The following FILIP1 variants were observed in gnomAD, a reference collection of about 807,000 sequenced individuals.
FILIP1 encodes filamin-A-interacting protein 1.
In FILIP1, 61 loss-of-function variants were observed where a neutral mutation model predicts 102.1. The ratio of observed to expected loss-of-function variants is 0.60; its 90% CI spans 0.49 to 0.74. The LOEUF (loss-of-function observed/expected upper bound fraction) is 0.74. Ranked by LOEUF, FILIP1 falls within the 30% of genes least tolerant of loss-of-function variation. The pLI is 0.00. For synonymous variants in FILIP1, 491 were observed against 526.9 expected (o/e 0.93, Z 0.93); for missense variants, 1,314 against 1,441.2 (o/e 0.91, Z 1.43).
chr6:75,380,207 C>CAA (rs11447756), intron 2 of FILIP1, among the ~76,000 whole-genome samples: 1,621 of 149,334 alleles, frequency 0.011, 31 homozygotes, highest in African/African-American at 0.037. Flanking sequence ...AATTAAAAGG[C>CAA]AAAAAAAAAG....
chr6:75,402,843 T>C (rs1776703594), intron 2 of FILIP1, among the ~76,000 whole-genome samples: 1 of 152,208 alleles, frequency 6.6e-6, no homozygotes, highest in Non-Finnish European at 1.5e-5. Context: ...ATGATACTTA[T>C]ACTTTTCCTG....
At chr6:75,405,370 C>T (rs144517053) in intron 2 of FILIP1, among the ~76,000 whole-genome samples, 418 of 152,054 alleles carry the variant, frequency 2.7e-3, no homozygotes, top group African/African-American at 9.5e-3. Context: ...GGAAAATTAG[C>T]TTCTCTGGCT....
chr6:75,294,489 AT>A (rs1772617957), exon 7 of FILIP1: 1 of 152,124 alleles, frequency 6.6e-6, no homozygotes, highest in Admixed American at 6.6e-5. Context: ...TTAGATGCAC[AT>A]TTTCACATAA....
At chr6:75,403,649 T>C (rs1776738049) in intron 2 of FILIP1, among the ~76,000 whole-genome samples, 1 of 152,118 alleles carries the variant, frequency 6.6e-6, no homozygotes, top group African/African-American at 2.4e-5. Context: ...ATTTTAAGAT[T>C]GTATGTGAGT....
In FILIP1 at chr6:75,314,378, C is replaced by G. The variant is rs754365039; in HGVS notation, c.1454G>C (p.Ser485Thr). 1 of 1,525,486 alleles carries G rather than the reference C, an allele frequency of 6.6e-7. No individual in the cohort carries two copies. Among genetic ancestry groups the G allele is most frequent in the South Asian group, 1.4e-5 (1 of 73,694 alleles). The allele number at this position is 1,525,486 out of a possible 1,614,324, so 94.5% of individuals were successfully genotyped here. A position where few individuals can be genotyped will look rare whatever the true frequency, so the allele number is the denominator to read the frequency against. The change falls in exon 5 of 6, where the codon AGT becomes ACT. Residue 485 changes from serine (S) to threonine (T), a missense_variant. Ser to Thr is a moderately conservative substitution (Grantham distance 58). Coordinates refer to ENST00000237172, the MANE Select transcript of FILIP1 (RefSeq NM_015687.5). ...GCTTAATTCAGCCTTTTCCAATCTA[C>G]TTTCAGAACATTCCAATTCTTTAAC... is the stretch of plus-strand genomic sequence containing the variant. The part of the protein sequence containing the change: ...SRVKELECSE[S>T]RLEKAELSLK...
intron 4 of FILIP1, among the ~76,000 whole-genome samples, chr6:75,344,084 T>C (rs980318029): frequency 2.6e-5 from 4 of 152,226 alleles, no homozygotes; most frequent in Admixed American, 6.5e-5. Context: ...CCTTCAGAAG[T>C]AGGCATCCAT....
chr6:75,455,514 C>A (rs1778799898), intron 1 of FILIP1, among the ~76,000 whole-genome samples: 1 of 151,968 alleles, frequency 6.6e-6, no homozygotes, highest in Non-Finnish European at 1.5e-5. Flanking sequence ...TTGGGACAAC[C>A]AAATTAGAAA....
rs148638078 is a variant in FILIP1, at chr6:75,363,629, G to A, written c.277-712C>T. On this transcript the variant is annotated intron_variant, in intron 2 of 5. Transcript: ENST00000237172. The stretch of plus-strand genomic sequence containing the variant: ...TTGCTGAAGCTTTCAAGAAAACCAC[G>A]ATTGTAGGCTTTATATCATACTGTC... 3.7e-3 allele frequency among the ~76,000 whole-genome samples: 568 copies of A among 152,302 alleles called. 1 individual carries two copies. Among genetic ancestry groups the A allele is most frequent in the African/African-American group, 0.013 (536 of 41,550 alleles).
chr6:75,455,715 C>A (rs1326285299), intron 1 of FILIP1, among the ~76,000 whole-genome samples: 1 of 152,144 alleles, frequency 6.6e-6, no homozygotes, highest in Non-Finnish European at 1.5e-5. Context: ...CCACTGCCCA[C>A]CAGAAAAACT....
chr6:75,383,208 AG>A (rs1018543413), intron 2 of FILIP1, among the ~76,000 whole-genome samples: 2 of 152,180 alleles, frequency 1.3e-5, no homozygotes, highest in African/African-American at 4.8e-5. Flanking sequence ...GATCTTCACT[AG>A]GTGAGTAACA....
chr6:75,305,445 C>A (rs747396773), downstream of FILIP1, among the ~76,000 whole-genome samples: 4 of 152,182 alleles, frequency 2.6e-5, no homozygotes, highest in Non-Finnish European at 5.9e-5. Context: ...TGAAGACATT[C>A]GAGTAAGAGC....
intron 1 of FILIP1, among the ~76,000 whole-genome samples, chr6:75,469,701 G>T (rs988116638): frequency 1.3e-5 from 2 of 151,934 alleles, no homozygotes; most frequent in African/African-American, 4.8e-5. Flanking sequence ...TTAATTAAAA[G>T]AATAATGCAC....
rs766268193 is a variant in FILIP1 at position 75,414,743 on chromosome 6, T to C, written c.230A>G (p.Lys77Arg). 2 of 1,613,890 alleles carry C rather than the reference T, an allele frequency of 1.2e-6. No individual in the cohort carries two copies. Among genetic ancestry groups the C allele is most frequent in the South Asian group, 1.1e-5 (1 of 91,074 alleles). The part of the protein sequence containing the change: ...RKTKKSLELS[K>R]EDLIQLLSIM... ...ACTGAGTAGTTGGATGAGGTCTTCTTTGGATAACTCCAGGGATTTCTTAGT... is the reference window on the plus strand; with the variant it reads ...ACTGAGTAGTTGGATGAGGTCTTCTCTGGATAACTCCAGGGATTTCTTAGT... Residue 77 changes from lysine (K) to arginine (R), a missense_variant, in exon 2 of 6, where the codon AAA (lysine) becomes AGA (arginine). Transcript: ENST00000237172.
chr6:75,298,960 C>T lies in FILIP1; in HGVS notation c.3494-3010G>A, dbSNP rs146679417. Among the ~76,000 whole-genome samples the T allele has an allele frequency of 6.3e-3, 953 of 151,680 alleles. 9 individuals are homozygous for T. The highest frequency in any genetic ancestry group is 0.022 in the African/African-American group (920 of 41,324). On this transcript the variant is annotated intron_variant, in intron 6 of 6. Coordinates refer to the FILIP1 transcript ENST00000393004. ...TAAGCCATTACATTTTGAAGTAACTCATTATACAGCAAAACTGTCTGAGGC... is the reference window on the plus strand; with the variant it reads ...TAAGCCATTACATTTTGAAGTAACTTATTATACAGCAAAACTGTCTGAGGC...
At chr6:75,487,274 T>C (rs1779814719) in intron 1 of FILIP1, among the ~76,000 whole-genome samples, 1 of 152,198 alleles carries the variant, frequency 6.6e-6, no homozygotes, top group Admixed American at 6.5e-5. Context: ...TGGCTTGCCC[T>C]GATGAGCAGA....
chr6:75,465,522 A>G, intron 1 of FILIP1: 2 of 747,504 alleles, frequency 2.7e-6, no homozygotes, highest in South Asian at 3.1e-5. Context: ...TAATGTCTAA[A>G]GAAAATATGA....
intron 2 of FILIP1, among the ~76,000 whole-genome samples, chr6:75,397,729 T>C (rs933228592): frequency 6.6e-6 from 1 of 152,082 alleles, no homozygotes; most frequent in Non-Finnish European, 1.5e-5. Context: ...TTGGTGCAAA[T>C]ATGTGTTTTG....
At chr6:75,306,564 C>T (rs1347388884), downstream of FILIP1, among the ~76,000 whole-genome samples, 1 of 152,050 alleles carries the variant, frequency 6.6e-6, no homozygotes, top group Non-Finnish European at 1.5e-5. Context: ...TTTTTGAAAG[C>T]GTTGAATGTT....
At chr6:75,455,664 G>C (rs571853403) in intron 1 of FILIP1, among the ~76,000 whole-genome samples, 4 of 152,212 alleles carry the variant, frequency 2.6e-5, no homozygotes, top group African/African-American at 7.2e-5. Context: ...ACTTCCTCAA[G>C]GTCATGCCAT....
Sources: gnomAD v4.1 joint callset for allele counts (sites outside exome capture counted in the v4.1 genomes callset) on GRCh38, gnomAD v4.1.1 for gene constraint, MANE v1.5 for transcripts, NCBI Gene and HGNC (gene_info 2026-07-23, HGNC 2026-07-21) for gene names.